The following PRKD1 variants were observed in gnomAD, a reference collection of about 807,000 sequenced individuals.
PRKD1 encodes the protein protein kinase D1.
A neutral mutation model predicts 95.9 loss-of-function variants in PRKD1; 63 were observed. The ratio of observed to expected loss-of-function variants is 0.66; its 90% confidence interval spans 0.54 to 0.81. PRKD1 has a LOEUF of 0.81. Ranked by LOEUF, PRKD1 falls within the 30% of genes least tolerant of loss-of-function variation. PRKD1 has a pLI of 0.00. For missense variants in PRKD1, 1,048 were observed against 1,165.3 expected, an observed-to-expected ratio of 0.90 and a Z score of 1.47; for synonymous variants, 425 against 423.1, an observed-to-expected ratio of 1.00 and a Z score of -0.05.
Position 29,690,772 on chromosome 14 carries a change from T to C in PRKD1, c.404-24564A>G, listed in dbSNP as rs1211893050. ...ATTTGAATTCTCCTACTTTGTGACA[T>C]GTATGTGCACTCTCTTGGTTCTGGC... is the stretch of plus-strand genomic sequence containing the variant. On this transcript the variant is annotated intron_variant, in intron 2 of 17. Transcript: ENST00000331968. 3.9e-5 allele frequency among the ~76,000 whole-genome samples: 6 copies of C among 152,200 alleles called. No homozygotes were observed. In the South Asian group the frequency reaches 1.0e-3, roughly 26 times the overall value.
chr14:29,728,281 C>G (rs927616488), intron 1 of PRKD1, among the ~76,000 whole-genome samples: 1 of 152,164 alleles, frequency 6.6e-6, no homozygotes, highest in African/African-American at 2.4e-5. Context: ...TTTTAAAAAT[C>G]AACTTCATTG....
chr14:29,760,465 C>G (rs904031858), intron 1 of PRKD1, among the ~76,000 whole-genome samples: 3 of 151,404 alleles, frequency 2.0e-5, no homozygotes, highest in Non-Finnish European at 2.9e-5. Flanking sequence ...AAGCGATTCT[C>G]CCGCCTCAGC....
At chr14:29,745,012 T>G (rs1566575929) in intron 1 of PRKD1, among the ~76,000 whole-genome samples, 1 of 152,142 alleles carries the variant, frequency 6.6e-6, no homozygotes, top group Non-Finnish European at 1.5e-5. Flanking sequence ...CTTATTACTG[T>G]TTTTCAAATA....
At chr14:29,744,037 A>G (rs145981855) in intron 1 of PRKD1, among the ~76,000 whole-genome samples, 187 of 152,228 alleles carry the variant, frequency 1.2e-3, no homozygotes, top group African/African-American at 4.2e-3. Context: ...TCTGTTTATC[A>G]TCACGCTCTT....
At chr14:29,629,962 CCTTCTT>C (rs1879873379) in intron 10 of PRKD1, among the ~76,000 whole-genome samples, 2 of 148,320 alleles carry the variant, frequency 1.3e-5, no homozygotes, top group Non-Finnish European at 3.0e-5. Flanking sequence ...TTCTCCTTCT[CCTTCTT>C]CCTTTTCCTC....
intron 2 of PRKD1, among the ~76,000 whole-genome samples, chr14:29,719,090 A>G (rs991133722): frequency 2.0e-5 from 3 of 152,116 alleles, no homozygotes; most frequent in African/African-American, 7.2e-5. Flanking sequence ...AAATGTTGTT[A>G]CCATATTTTT....
chr14:29,798,361 T>C (rs1383743433), intron 1 of PRKD1, among the ~76,000 whole-genome samples: 1 of 152,150 alleles, frequency 6.6e-6, no homozygotes, highest in Non-Finnish European at 1.5e-5. Flanking sequence ...ATTCCACACA[T>C]GGCAATGTAT....
At chr14:29,652,155 C>G (rs1006903500) in intron 4 of PRKD1, among the ~76,000 whole-genome samples, 1 of 152,148 alleles carries the variant, frequency 6.6e-6, no homozygotes, top group African/African-American at 2.4e-5. Flanking sequence ...GACGCAGATG[C>G]CCACAAGTAA....
chr14:29,744,378 C>A (rs1174509571), intron 1 of PRKD1, among the ~76,000 whole-genome samples: 1 of 152,202 alleles, frequency 6.6e-6, no homozygotes, highest in Non-Finnish European at 1.5e-5. Context: ...GTTGCCTGTA[C>A]ATTAAAAGCA....
In PRKD1 at chr14:29,749,759, G is replaced by A. The variant is rs150332005; in HGVS notation, c.265-24085C>T. On this transcript the variant is annotated intron_variant, in intron 1 of 17. Transcript: ENST00000331968. ...TTTTCATAATTATTATATAAGACAA[G>A]GAGATGATATTTAAAAAAATCAGTG... 2.7e-3 allele frequency among the ~76,000 whole-genome samples: 416 copies of A among 152,122 alleles called. 2 individuals are homozygous for A. Among genetic ancestry groups the A allele is most frequent in the Middle Eastern group, 0.014 (4 of 294 alleles).
At chr14:29,736,837 G>A (rs1349164777) in intron 1 of PRKD1, among the ~76,000 whole-genome samples, 1 of 152,164 alleles carries the variant, frequency 6.6e-6, no homozygotes, top group Non-Finnish European at 1.5e-5. Flanking sequence ...CAGACAATGT[G>A]CTCCAGAGTA....
Position 29,896,286 on chromosome 14 carries a change from C to T in PRKD1, c.264+30963G>A, listed in dbSNP as rs905439723. ...CAGAGCTTAAATCCAGATTTACTGA[C>T]TCTTAACTTCAGAAAATCTGTTTTC... On this transcript the variant is annotated intron_variant, in intron 1 of 17. Transcript: ENST00000331968. Among the ~76,000 whole-genome samples the T allele has an allele frequency of 2.6e-5, 4 of 152,220 alleles. No homozygotes were observed. The East Asian group carries it at 7.7e-4, about 29-fold the overall frequency.
intron 2 of PRKD1, among the ~76,000 whole-genome samples, chr14:29,694,040 T>C (rs538988791): frequency 6.6e-6 from 1 of 152,294 alleles, no homozygotes; most frequent in Non-Finnish European, 1.5e-5. Context: ...AGGAACCCTC[T>C]ACCTTCTACA....
intron 2 of PRKD1, among the ~76,000 whole-genome samples, chr14:29,720,951 C>A (rs1278162408): frequency 6.6e-6 from 1 of 152,040 alleles, no homozygotes; most frequent in Non-Finnish European, 1.5e-5. Flanking sequence ...TGTTTGAGGG[C>A]AAGACTTGGG....
chr14:29,656,627 T>G, intron 4 of PRKD1: 2 of 1,115,162 alleles, frequency 1.8e-6, no homozygotes, highest in Non-Finnish European at 2.6e-6. Flanking sequence ...ATAGGCATGC[T>G]TTCAAAAAAA....
intron 1 of PRKD1, among the ~76,000 whole-genome samples, chr14:29,922,684 T>C (rs1363104671): frequency 6.6e-6 from 1 of 151,318 alleles, no homozygotes; most frequent in Non-Finnish European, 1.5e-5. Context: ...AGGAAATCAA[T>C]AACAGCCTGG....
At chr14:29,790,914 G>A (rs566120966) in intron 1 of PRKD1, among the ~76,000 whole-genome samples, 6 of 152,252 alleles carry the variant, frequency 3.9e-5, no homozygotes, top group African/African-American at 1.4e-4. Flanking sequence ...AGGATGCTGT[G>A]AGACCATGTA....
chr14:29,692,473 T>A (rs1884293926), intron 2 of PRKD1, among the ~76,000 whole-genome samples: 1 of 152,116 alleles, frequency 6.6e-6, no homozygotes, highest in Non-Finnish European at 1.5e-5. Flanking sequence ...GAATGGCCAT[T>A]CTCTTAGTCG....
chr14:29,909,734 A>G (rs1183651183), intron 1 of PRKD1, among the ~76,000 whole-genome samples: 1 of 152,152 alleles, frequency 6.6e-6, no homozygotes, highest in Non-Finnish European at 1.5e-5. Context: ...TAAACACACC[A>G]ATCAGCACTC....
Sources: allele counts gnomAD v4.1 joint callset (sites outside exome capture counted in the v4.1 genomes callset), GRCh38; gene constraint gnomAD v4.1.1; transcripts MANE v1.5; gene names NCBI Gene and HGNC (gene_info 2026-07-23, HGNC 2026-07-21).